LINGO2: variants seen among roughly 807,000 people sequenced by gnomAD.
The protein encoded by LINGO2 is leucine rich repeat and Ig domain containing 2.
A neutral mutation model predicts 30.6 loss-of-function variants in LINGO2; 14 were observed. The ratio of observed to expected loss-of-function variants is 0.46; its 90% confidence interval spans 0.30 to 0.72. LINGO2 has a LOEUF of 0.72. Among genes scored for constraint, LINGO2 ranks in the 30% least tolerant of loss-of-function variants. The probability of loss-of-function intolerance (pLI) is 0.07; values close to 1 mark genes in which losing one functional copy is unlikely to be tolerated. For missense variants in LINGO2, 729 were observed against 751.7 expected (o/e 0.97, Z 0.35); for synonymous variants, 317 against 288.5 (o/e 1.10, Z -1.00).
chr9:28,037,805 T>A (rs1824009352), intron 4 of LINGO2, among the ~76,000 whole-genome samples: 1 of 152,206 alleles, frequency 6.6e-6, no homozygotes, highest in African/African-American at 2.4e-5. Flanking sequence ...TCATGCAGTA[T>A]CTGTAAGACA....
the LINGO2 span, among the ~76,000 whole-genome samples, chr9:28,782,000 T>A: frequency 1.3e-5 from 2 of 152,178 alleles, no homozygotes; most frequent in African/African-American, 4.8e-5. Context: ...TAACTTATAG[T>A]CATATTTTAG....
chr9:28,234,729 C>G (rs1821497552), intron 4 of LINGO2, among the ~76,000 whole-genome samples: 2 of 152,170 alleles, frequency 1.3e-5, no homozygotes, highest in Non-Finnish European at 2.9e-5. Flanking sequence ...TGCCTTTGGC[C>G]ACAGACTGTC....
intron 4 of LINGO2, among the ~76,000 whole-genome samples, chr9:28,226,652 A>C (rs1200998666): frequency 3.3e-5 from 2 of 59,958 alleles, no homozygotes; most frequent in Non-Finnish European, 6.4e-5. Flanking sequence ...GGAAAGAAAG[A>C]AAGAAAGAAA....
chr9:28,164,209 A>G (rs1332196896), intron 4 of LINGO2, among the ~76,000 whole-genome samples: 1 of 152,182 alleles, frequency 6.6e-6, no homozygotes, highest in East Asian at 1.9e-4. Flanking sequence ...TTGACATCTG[A>G]AGGTACAGCT....
the LINGO2 span, among the ~76,000 whole-genome samples, chr9:29,074,798 G>T: frequency 6.0e-4 from 89 of 148,190 alleles, no homozygotes; most frequent in Admixed American, 3.7e-3. Context: ...CTCCCGAGTA[G>T]CTGGGACTAT....
intron 1 of LINGO2, among the ~76,000 whole-genome samples, chr9:28,574,890 C>G (rs1203454393): frequency 6.6e-6 from 1 of 152,058 alleles, no homozygotes; most frequent in Non-Finnish European, 1.5e-5. Context: ...ATCTTTAAAC[C>G]CTGTTTTTCA....
At chr9:28,759,279 A>C in the LINGO2 span, among the ~76,000 whole-genome samples, 1 of 152,112 alleles carries the variant, frequency 6.6e-6, no homozygotes, top group African/African-American at 2.4e-5. Context: ...AGACATTTTG[A>C]ATACAATAAA....
chr9:28,876,909 C>A, the LINGO2 span, among the ~76,000 whole-genome samples: 1 of 152,040 alleles, frequency 6.6e-6, no homozygotes, highest in Non-Finnish European at 1.5e-5. Context: ...CTCTCCAGCA[C>A]CTGTTGTTTC....
At chr9:28,616,556 T>C (rs1242011902) in intron 1 of LINGO2, among the ~76,000 whole-genome samples, 1 of 152,236 alleles carries the variant, frequency 6.6e-6, no homozygotes, top group African/African-American at 2.4e-5. Flanking sequence ...GTTTGAGCCA[T>C]GTGTATGAGG....
At chr9:28,348,301 C>A (rs545217241) in intron 3 of LINGO2, among the ~76,000 whole-genome samples, 1 of 152,022 alleles carries the variant, frequency 6.6e-6, no homozygotes, top group African/African-American at 2.4e-5. Context: ...GCACCGTGCA[C>A]GAGCCAAAGC....
At chr9:28,343,328 A>G (rs1819432531) in intron 3 of LINGO2, among the ~76,000 whole-genome samples, 1 of 152,168 alleles carries the variant, frequency 6.6e-6, no homozygotes, top group African/African-American at 2.4e-5. Context: ...ACATATATAC[A>G]TTCCTCACTT....
the LINGO2 span, among the ~76,000 whole-genome samples, chr9:29,196,813 G>C: frequency 6.6e-6 from 1 of 152,006 alleles, no homozygotes; most frequent in African/African-American, 2.4e-5. Context: ...GGCTGGGGCT[G>C]AGAAAACTTT....
the LINGO2 span, among the ~76,000 whole-genome samples, chr9:29,068,975 C>A: frequency 6.6e-6 from 1 of 151,760 alleles, no homozygotes; most frequent in African/African-American, 2.4e-5. Flanking sequence ...AAAAAAGGTT[C>A]ATTGTGGACT....
At chr9:29,059,401 A>C in the LINGO2 span, among the ~76,000 whole-genome samples, 5 of 133,578 alleles carry the variant, frequency 3.7e-5, no homozygotes, top group Admixed American at 3.7e-4. Flanking sequence ...ATGTACCCAC[A>C]AAGATTAAAA....
At chr9:28,621,384 A>G (rs1275724555) in intron 1 of LINGO2, among the ~76,000 whole-genome samples, 1 of 151,774 alleles carries the variant, frequency 6.6e-6, no homozygotes, top group Non-Finnish European at 1.5e-5. Flanking sequence ...TCTTTCCAAA[A>G]TGTTTTCTCC....
chr9:28,132,879 G>T (rs1236576279), intron 4 of LINGO2, among the ~76,000 whole-genome samples: 1 of 152,198 alleles, frequency 6.6e-6, no homozygotes, highest in Non-Finnish European at 1.5e-5. Flanking sequence ...AGTGACAGCA[G>T]TCACTGTGTC....
chr9:28,712,065 AT>A, the LINGO2 span, among the ~76,000 whole-genome samples: 5 of 152,096 alleles, frequency 3.3e-5, no homozygotes, highest in Non-Finnish European at 7.4e-5. Context: ...TATAAAAAAG[AT>A]TTAAGAAATA....
intron 2 of LINGO2, among the ~76,000 whole-genome samples, chr9:28,443,399 G>A (rs1240914246): frequency 1.3e-5 from 2 of 152,290 alleles, no homozygotes; most frequent in Non-Finnish European, 2.9e-5. Context: ...ACAGGCGGGA[G>A]CCCTGACCCC....
chr9:28,933,838 A>G, the LINGO2 span, among the ~76,000 whole-genome samples: 1 of 152,340 alleles, frequency 6.6e-6, no homozygotes, highest in African/African-American at 2.4e-5. Context: ...TCATTTCAAA[A>G]CAATTGTGTA....
Sources: allele counts gnomAD v4.1 joint callset (sites outside exome capture counted in the v4.1 genomes callset), GRCh38; gene constraint gnomAD v4.1.1; transcripts MANE v1.5; gene names NCBI Gene and HGNC (gene_info 2026-07-23, HGNC 2026-07-21).